Variants in GUCA1C observed in about 807,000 individuals in gnomAD.
GUCA1C encodes the protein guanylyl cyclase-activating protein 3.
Under a neutral mutation model 16.2 loss-of-function variants are expected in GUCA1C, and 15 were observed. The ratio of observed to expected loss-of-function variants is 0.93; its 90% CI spans 0.62 to 1.43. GUCA1C has a LOEUF of 1.43. Among genes scored for constraint, GUCA1C ranks in the 40% most tolerant of loss-of-function variants. The pLI is 0.00. For missense variants in GUCA1C, 275 were observed against 244.8 expected, an observed-to-expected ratio of 1.12 and a Z score of -0.82; for synonymous variants, 78 against 85.4, an observed-to-expected ratio of 0.91 and a Z score of 0.48.
intron 1 of GUCA1C, among the ~76,000 whole-genome samples, chr3:108,923,865 G>A (rs932282624): frequency 3.9e-5 from 6 of 151,990 alleles, no homozygotes; most frequent in Non-Finnish European, 5.9e-5. Context: ...GAGGTGTTTC[G>A]ACTCCTTGGT....
chr3:108,938,699 T>C (rs900839770), intron 1 of GUCA1C, among the ~76,000 whole-genome samples: 2 of 152,230 alleles, frequency 1.3e-5, no homozygotes, highest in African/African-American at 4.8e-5. Context: ...GGCTTGCCTC[T>C]GTGAGATCAG....
chr3:108,922,906 T>C (rs534588275), intron 1 of GUCA1C, among the ~76,000 whole-genome samples: 1 of 152,178 alleles, frequency 6.6e-6, no homozygotes, highest in Admixed American at 6.5e-5. Context: ...ACATGAGGTG[T>C]TTGGTTTTCT....
intron 2 of GUCA1C, among the ~76,000 whole-genome samples, chr3:108,919,349 G>A (rs1301284378): frequency 6.6e-6 from 1 of 151,970 alleles, no homozygotes; most frequent in Non-Finnish European, 1.5e-5. Context: ...AGAAAAAGCT[G>A]AGTATTTAAG....
intron 1 of GUCA1C, among the ~76,000 whole-genome samples, chr3:108,953,112 T>A (rs985162018): frequency 6.6e-6 from 1 of 152,194 alleles, no homozygotes; most frequent in African/African-American, 2.4e-5. Context: ...ACAGACAACA[T>A]GTTGGCTAAT....
intron 2 of GUCA1C, among the ~76,000 whole-genome samples, chr3:108,919,789 G>C (rs1053553694): frequency 1.3e-5 from 2 of 152,098 alleles, no homozygotes; most frequent in Non-Finnish European, 2.9e-5. Context: ...TGCTCTTTGA[G>C]TCTGCCTTAC....
At chr3:108,949,834 T>C (rs1340585654) in intron 1 of GUCA1C, among the ~76,000 whole-genome samples, 2 of 152,212 alleles carry the variant, frequency 1.3e-5, no homozygotes, top group African/African-American at 4.8e-5. Context: ...TGTGAGATGA[T>C]TAAAAGAAGC....
intron 1 of GUCA1C, among the ~76,000 whole-genome samples, chr3:108,921,934 C>T (rs1174456721): frequency 6.6e-6 from 1 of 152,078 alleles, no homozygotes; most frequent in African/African-American, 2.4e-5. Flanking sequence ...CCTCGCCACC[C>T]TCTACCCTTT....
At position 108,953,632 on chromosome 3, in the gene GUCA1C, A is replaced by G; in HGVS notation, c.131T>C (p.Leu44Ser). Residue 44 changes from leucine to serine, a missense_variant, in exon 1 of 4, where the codon TTG (leucine) becomes TCG (serine). By Grantham distance (145) the Leu-to-Ser change is moderately radical. Transcript: ENST00000261047. Reference sequence around the variant, plus strand: ...CTTCTGATTCAGACCTTGCAGACCCAAAAGTGTCTTAAATTCATGTAGTGT... The same window carrying G: ...CTTCTGATTCAGACCTTGCAGACCCGAAAGTGTCTTAAATTCATGTAGTGT... ...LQTLHEFKTL[L>S]GLQGLNQKAN... 6.2e-7 allele frequency: 1 copy of G among 1,613,006 alleles called. No individual in the cohort carries two copies. The highest frequency in any genetic ancestry group is 1.7e-4 in the Middle Eastern group (1 of 6,052).
chr3:108,946,590 C>T (rs1389352466), intron 1 of GUCA1C, among the ~76,000 whole-genome samples: 1 of 152,078 alleles, frequency 6.6e-6, no homozygotes, highest in Non-Finnish European at 1.5e-5. Context: ...TAATTATGTG[C>T]CTGTAAAGTA....
At chr3:108,920,368 C>T in intron 2 of GUCA1C, 68 bp downstream of exon 2, 2 of 1,187,306 alleles carry the variant, frequency 1.7e-6, no homozygotes, top group Non-Finnish European at 2.5e-6. Flanking sequence ...CTGTTACCTA[C>T]TCCATAGGAA....
intron 1 of GUCA1C, among the ~76,000 whole-genome samples, chr3:108,943,076 G>A (rs112541718): frequency 8.5e-5 from 13 of 152,280 alleles, no homozygotes; most frequent in African/African-American, 2.9e-4. Flanking sequence ...AGGATTCAGA[G>A]CATAAAGTTT....
chr3:108,920,987 G>T (rs958722161), intron 1 of GUCA1C, among the ~76,000 whole-genome samples: 1 of 152,050 alleles, frequency 6.6e-6, no homozygotes, highest in Non-Finnish European at 1.5e-5. Context: ...TCCACTCTTT[G>T]TATTTTACAT....
chr3:108,928,858 A>G (rs1946644082), intron 1 of GUCA1C, among the ~76,000 whole-genome samples: 1 of 152,206 alleles, frequency 6.6e-6, no homozygotes, highest in African/African-American at 2.4e-5. Flanking sequence ...GTAAGTCTTG[A>G]AGTCAGGTAG....
chr3:108,927,708 C>T (rs956249630), intron 1 of GUCA1C, among the ~76,000 whole-genome samples: 2 of 152,168 alleles, frequency 1.3e-5, no homozygotes, highest in African/African-American at 4.8e-5. Flanking sequence ...TAATAATCGA[C>T]CTTCTGAATT....
At chr3:108,912,122 A>AATAATAATCATC (rs762101057) in intron 3 of GUCA1C, among the ~76,000 whole-genome samples, 3 of 147,720 alleles carry the variant, frequency 2.0e-5, no homozygotes, top group Non-Finnish European at 4.5e-5. Flanking sequence ...TAATAATAAT[A>AATAATAATCATC]ATCACCCTTT....
At chr3:108,935,403 C>A (rs1386515540) in intron 1 of GUCA1C, among the ~76,000 whole-genome samples, 3 of 151,060 alleles carry the variant, frequency 2.0e-5, no homozygotes, top group Non-Finnish European at 4.4e-5. Context: ...ATAAAGAAAG[C>A]ATAAAGGCCG....
At chr3:108,915,066 A>C (rs1399774252) in intron 3 of GUCA1C, among the ~76,000 whole-genome samples, 1 of 152,142 alleles carries the variant, frequency 6.6e-6, no homozygotes, top group East Asian at 1.9e-4. Flanking sequence ...TGAGCAGTAT[A>C]CTCTTGTCCA....
At chr3:108,909,999 T>C (rs1036722698) in intron 3 of GUCA1C, among the ~76,000 whole-genome samples, 1 of 152,220 alleles carries the variant, frequency 6.6e-6, no homozygotes, top group African/African-American at 2.4e-5. Flanking sequence ...ACCGCCACTA[T>C]AGCCGACGAC....
intron 1 of GUCA1C, among the ~76,000 whole-genome samples, chr3:108,928,724 T>C (rs1013166985): frequency 6.6e-6 from 1 of 152,208 alleles, no homozygotes; most frequent in Non-Finnish European, 1.5e-5. Context: ...TGCCTTTGTT[T>C]CTTTGTCAAT....
Sources: allele counts gnomAD v4.1 joint callset (sites outside exome capture counted in the v4.1 genomes callset), GRCh38; gene constraint gnomAD v4.1.1; transcripts MANE v1.5; gene names NCBI Gene and HGNC (gene_info 2026-07-23, HGNC 2026-07-21).